The following PPP1R16B variants were observed in gnomAD, a reference collection of about 807,000 sequenced individuals.
PPP1R16B encodes protein phosphatase 1 regulatory subunit 16B.
Under a neutral mutation model 61.7 loss-of-function variants are expected in PPP1R16B, and 14 were observed. That is an observed-to-expected ratio of 0.23 (90% CI 0.15 to 0.35). The LOEUF (loss-of-function observed/expected upper bound fraction) is 0.35. Among genes scored for constraint, PPP1R16B ranks in the 10% least tolerant of loss-of-function variants. The pLI, the probability that PPP1R16B is intolerant of heterozygous loss-of-function variation, is 1.00. For missense variants in PPP1R16B, 547 were observed against 752.5 expected, an observed-to-expected ratio of 0.73 and a Z score of 3.19; for synonymous variants, 266 against 305.3, an observed-to-expected ratio of 0.87 and a Z score of 1.34.
intron 1 of PPP1R16B, among the ~76,000 whole-genome samples, chr20:38,815,713 A>G (rs2084731119): frequency 6.6e-6 from 1 of 152,246 alleles, no homozygotes; most frequent in African/African-American, 2.4e-5. Context: ...ACATTTCTGC[A>G]TAAGGTTCTA....
chr20:38,815,038 A>C (rs981966217), intron 1 of PPP1R16B, among the ~76,000 whole-genome samples: 4 of 151,718 alleles, frequency 2.6e-5, no homozygotes, highest in Non-Finnish European at 5.9e-5. Flanking sequence ...AATGTCATTC[A>C]TTTTTTTTCT....
intron 4 of PPP1R16B, 92 bp from the exon 5 acceptor site, chr20:38,900,489 G>A: frequency 1.1e-6 from 1 of 943,066 alleles, no homozygotes. Flanking sequence ...GGGTTGTACA[G>A]TAGGATTGCA....
intron 2 of PPP1R16B, among the ~76,000 whole-genome samples, chr20:38,865,921 C>G (rs2085087394): frequency 6.6e-6 from 1 of 151,932 alleles, no homozygotes; most frequent in African/African-American, 2.4e-5. Context: ...GTCAGGAGTT[C>G]GAGACCAGCC....
At chr20:38,852,267 C>T (rs1376054132) in intron 2 of PPP1R16B, among the ~76,000 whole-genome samples, 1 of 152,168 alleles carries the variant, frequency 6.6e-6, no homozygotes, top group Non-Finnish European at 1.5e-5. Context: ...TTATGTACAA[C>T]CTTCTGATTA....
intron 2 of PPP1R16B, among the ~76,000 whole-genome samples, chr20:38,887,339 C>T (rs1030944512): frequency 6.6e-6 from 1 of 152,100 alleles, no homozygotes. Flanking sequence ...CAGAAGATGC[C>T]AGTCTTATAA....
In PPP1R16B at chr20:38,918,576, G is replaced by A. The variant is rs148651333; in HGVS notation, c.1614G>A (p.Thr538=). Residue 538 remains threonine, a synonymous_variant, in exon 11 of 11, where the codon ACG becomes ACA. Coordinates refer to ENST00000299824, the MANE Select transcript of PPP1R16B (RefSeq NM_015568.4). The surrounding 1 kb of genome is among the most constrained non-coding windows in gnomAD (Gnocchi z 5.3). The stretch of plus-strand genomic sequence containing the variant: ...GCAATGGGACCTCGGTATATTACAC[G>A]GTCACCAGCGGAGATCCCCCACTCT... The part of the protein sequence containing the change: ...YSSNGTSVYY[T]VTSGDPPLLK... The A allele has an allele frequency of 5.5e-5, 84 of 1,538,214 alleles. No homozygotes were observed. The highest frequency in any genetic ancestry group is 6.9e-5 in the Non-Finnish European group (79 of 1,143,196).
At chr20:38,876,227 C>T (rs2085165570) in intron 2 of PPP1R16B, among the ~76,000 whole-genome samples, 1 of 152,056 alleles carries the variant, frequency 6.6e-6, no homozygotes. Context: ...CCCGCCTTGG[C>T]CTCCCAAAGT....
At chr20:38,912,096 C>CTTT (rs35770847) in intron 10 of PPP1R16B, among the ~76,000 whole-genome samples, 18 of 127,412 alleles carry the variant, frequency 1.4e-4, no homozygotes, top group African/African-American at 3.8e-4. Flanking sequence ...TATAGTCAGT[C>CTTT]TTTTTTTTTT....
At chr20:38,871,991 A>G (rs1209275968) in intron 2 of PPP1R16B, among the ~76,000 whole-genome samples, 1 of 152,210 alleles carries the variant, frequency 6.6e-6, no homozygotes, top group Non-Finnish European at 1.5e-5. Flanking sequence ...GGTATGTTAC[A>G]TATCTTTTTC....
rs2085592045 is a variant in PPP1R16B at position 38,921,002 on chromosome 20, G to C, written c.*2336G>C. The stretch of plus-strand genomic sequence containing the variant: ...AGGTTTTCCGATCTTTTTGCTCAGG[G>C]GCCAAACACTGAAGGCACGTACTGC... On this transcript the variant is annotated 3_prime_UTR_variant, in exon 11 of 11. Coordinates refer to ENST00000299824, the MANE Select transcript of PPP1R16B (RefSeq NM_015568.4). 6.6e-6 allele frequency: 1 copy of C among 152,170 alleles called. No homozygotes were observed. Among genetic ancestry groups the C allele is most frequent in the South Asian group, 2.1e-4 (1 of 4,832 alleles). The allele number at this position is 152,170 out of a possible 1,614,324, so 9.4% of individuals were successfully genotyped here. A position where few individuals can be genotyped will look rare whatever the true frequency, so the allele number is the denominator to read the frequency against.
intron 1 of PPP1R16B, among the ~76,000 whole-genome samples, chr20:38,808,442 A>G (rs1412142122): frequency 2.0e-5 from 3 of 152,048 alleles, no homozygotes; most frequent in African/African-American, 7.2e-5. Flanking sequence ...GGAGGTCCCA[A>G]CTGGCACTCT....
At chr20:38,889,270 G>A (rs1038142994) in intron 2 of PPP1R16B, among the ~76,000 whole-genome samples, 1 of 152,214 alleles carries the variant, frequency 6.6e-6, no homozygotes, top group African/African-American at 2.4e-5. Context: ...AATGAGAATG[G>A]TGCCCAAATT....
chr20:38,826,676 TGCTG>T (rs1200320892), intron 1 of PPP1R16B, among the ~76,000 whole-genome samples: 10 of 152,366 alleles, frequency 6.6e-5, no homozygotes, highest in African/African-American at 2.4e-4. Flanking sequence ...GGTTACCAAA[TGCTG>T]GGTGCAGATA....
At chr20:38,840,215 G>C (rs2084900947) in intron 2 of PPP1R16B, among the ~76,000 whole-genome samples, 1 of 152,198 alleles carries the variant, frequency 6.6e-6, no homozygotes, top group African/African-American at 2.4e-5. Flanking sequence ...TGGTGGAGCT[G>C]GTGTTTGGGA....
At chr20:38,896,106 C>CCTCCCTT (rs2085343723) in intron 4 of PPP1R16B, among the ~76,000 whole-genome samples, 3 of 107,426 alleles carry the variant, frequency 2.8e-5, no homozygotes, top group African/African-American at 1.4e-4. Context: ...CTTCTGTCTC[C>CCTCCCTT]CCTCCCTTCC....
chr20:38,902,705 T>A lies in PPP1R16B; in HGVS notation c.609T>A (p.Ala203=). 1.9e-6 allele frequency: 3 copies of A among 1,614,190 alleles called. No individual in the cohort carries two copies. Among genetic ancestry groups the A allele is most frequent in the Non-Finnish European group, 2.5e-6 (3 of 1,180,036 alleles). ...AGAAAATCAACGAGATGCGGGTGGC[T>A]CCTGAGCAGCAGATGATTGCGGACA... The part of the protein sequence containing the change: ...TQEKINEMRV[A]PEQQMIADIH... The change falls in exon 6 of 11, where the codon GCT becomes GCA. Residue 203 remains alanine, a synonymous_variant. Transcript: ENST00000299824.
chr20:38,881,910 A>G (rs2085206158), intron 2 of PPP1R16B, among the ~76,000 whole-genome samples: 1 of 151,700 alleles, frequency 6.6e-6, no homozygotes, highest in African/African-American at 2.4e-5. Context: ...TTAAGGGTTC[A>G]CTCTTCGGAG....
chr20:38,834,934 TAGC>T (rs1375545197), intron 1 of PPP1R16B, among the ~76,000 whole-genome samples: 5 of 152,252 alleles, frequency 3.3e-5, no homozygotes, highest in Admixed American at 3.3e-4. Flanking sequence ...ATGTTGAGCT[TAGC>T]AGCTGGATTC....
chr20:38,898,677 G>C (rs2085367715), intron 4 of PPP1R16B, among the ~76,000 whole-genome samples: 2 of 152,066 alleles, frequency 1.3e-5, no homozygotes, highest in African/African-American at 4.8e-5. Flanking sequence ...GGGCGTGGTG[G>C]TGCACGCCTG....
Sources: allele counts gnomAD v4.1 joint callset (sites outside exome capture counted in the v4.1 genomes callset), GRCh38; gene constraint gnomAD v4.1.1; non-coding constraint Gnocchi (gnomAD v3.1); transcripts MANE v1.5; gene names NCBI Gene and HGNC (gene_info 2026-07-23, HGNC 2026-07-21).